Variants in COL8A1 observed in about 807,000 individuals in gnomAD.
The protein encoded by COL8A1 is collagen alpha-1(VIII) chain.
In COL8A1, 21 loss-of-function variants were observed where a neutral mutation model predicts 42.7. The observed-to-expected ratio is 0.49, with a 90% CI of 0.35 to 0.71. The LOEUF is 0.71. COL8A1 is among the 30% of genes least tolerant of loss of function. COL8A1 has a pLI of 0.01. For synonymous variants in COL8A1, 367 were observed against 369.1 expected, an observed-to-expected ratio of 0.99 and a Z score of 0.06; for missense variants, 788 against 962.4, an observed-to-expected ratio of 0.82 and a Z score of 2.40.
At chr3:99,789,740 A>C (rs2107455385) in intron 2 of COL8A1, among the ~76,000 whole-genome samples, 1 of 152,342 alleles carries the variant, frequency 6.6e-6, no homozygotes, top group East Asian at 1.9e-4. Flanking sequence ...TATTCTTATT[A>C]ATAGTTAAAC....
At chr3:99,669,753 C>G (rs1174788928) in intron 1 of COL8A1, among the ~76,000 whole-genome samples, 1 of 151,900 alleles carries the variant, frequency 6.6e-6, no homozygotes, top group Non-Finnish European at 1.5e-5. Flanking sequence ...CTAAAGAGAT[C>G]GACAGAGGGA....
At chr3:99,740,641 C>T (rs1019702991) in intron 1 of COL8A1, among the ~76,000 whole-genome samples, 4 of 152,134 alleles carry the variant, frequency 2.6e-5, no homozygotes, top group African/African-American at 7.2e-5. Context: ...GGGTACCTCC[C>T]ACAACATGTG....
intron 1 of COL8A1, among the ~76,000 whole-genome samples, chr3:99,695,938 A>C (rs1318970704): frequency 6.6e-6 from 1 of 152,184 alleles, no homozygotes; most frequent in Non-Finnish European, 1.5e-5. Flanking sequence ...GTTTGAGACC[A>C]GCCTGGCCAA....
chr3:99,756,141 T>C (rs1941249718), intron 2 of COL8A1, among the ~76,000 whole-genome samples: 1 of 151,606 alleles, frequency 6.6e-6, no homozygotes, highest in Non-Finnish European at 1.5e-5. Context: ...TCTCCTGCAC[T>C]TTGAGCCTGA....
intron 1 of COL8A1, among the ~76,000 whole-genome samples, chr3:99,645,491 T>TA (rs1007067128): frequency 3.3e-5 from 5 of 152,088 alleles, no homozygotes; most frequent in Non-Finnish European, 7.4e-5. Context: ...CCCAGTTAAT[T>TA]ACAATCCCCT....
chr3:99,739,488 G>A (rs917253015), intron 1 of COL8A1, among the ~76,000 whole-genome samples: 1 of 151,978 alleles, frequency 6.6e-6, no homozygotes, highest in African/African-American at 2.4e-5. Context: ...GCTTCTGCCT[G>A]GATATCCAGG....
At chr3:99,769,563 A>G (rs1941537680) in intron 2 of COL8A1, among the ~76,000 whole-genome samples, 1 of 152,242 alleles carries the variant, frequency 6.6e-6, no homozygotes, top group Non-Finnish European at 1.5e-5. Context: ...GCTATATGCT[A>G]TAAAGGAGAC....
At chr3:99,659,466 A>G (rs1037256420) in intron 1 of COL8A1, among the ~76,000 whole-genome samples, 1 of 152,198 alleles carries the variant, frequency 6.6e-6, no homozygotes, top group African/African-American at 2.4e-5. Flanking sequence ...TGCTAATAAT[A>G]ATAACTATCA....
intron 2 of COL8A1, among the ~76,000 whole-genome samples, chr3:99,781,236 T>C (rs545395273): frequency 2.0e-5 from 3 of 152,294 alleles, no homozygotes; most frequent in Non-Finnish European, 1.5e-5. Context: ...AATTCAGAAA[T>C]TGTCAGGACT....
intron 1 of COL8A1, among the ~76,000 whole-genome samples, chr3:99,671,970 G>T (rs912404027): frequency 2.0e-5 from 3 of 151,992 alleles, no homozygotes; most frequent in African/African-American, 7.2e-5. Flanking sequence ...TGCTACAAGA[G>T]AAAAAAGCAG....
At chr3:99,760,929 T>C (rs2107425185) in intron 2 of COL8A1, among the ~76,000 whole-genome samples, 1 of 152,344 alleles carries the variant, frequency 6.6e-6, no homozygotes, top group Admixed American at 6.5e-5. Flanking sequence ...AAGCCTCGTC[T>C]GTTTGAAGTC....
intron 1 of COL8A1, among the ~76,000 whole-genome samples, chr3:99,739,401 T>A (rs966239404): frequency 8.5e-5 from 13 of 152,190 alleles, no homozygotes; most frequent in African/African-American, 2.7e-4. Context: ...GGACTATGTG[T>A]GGGGGGACCA....
chr3:99,763,245 C>T (rs974801486), intron 2 of COL8A1, among the ~76,000 whole-genome samples: 24 of 152,204 alleles, frequency 1.6e-4, no homozygotes, highest in Middle Eastern at 3.4e-3. Flanking sequence ...ATAGAAATAA[C>T]TTTAATTAAG....
chr3:99,747,351 A>G (rs990317896), intron 2 of COL8A1, among the ~76,000 whole-genome samples: 1 of 152,246 alleles, frequency 6.6e-6, no homozygotes, highest in African/African-American at 2.4e-5. Flanking sequence ...TGTACTAAAT[A>G]ATATGGGTTG....
chr3:99,783,259 T>G (rs1238740688), intron 2 of COL8A1, among the ~76,000 whole-genome samples: 2 of 152,204 alleles, frequency 1.3e-5, no homozygotes, highest in Non-Finnish European at 2.9e-5. Flanking sequence ...ATTATGTGTG[T>G]GGTTCATTTC....
intron 1 of COL8A1, among the ~76,000 whole-genome samples, chr3:99,740,518 T>C (rs1940868907): frequency 6.6e-6 from 1 of 152,148 alleles, no homozygotes. Flanking sequence ...GGGAGAAGTA[T>C]AAGTGAAACA....
intron 1 of COL8A1, among the ~76,000 whole-genome samples, chr3:99,639,377 C>T (rs1300540715): frequency 6.6e-6 from 1 of 152,164 alleles, no homozygotes; most frequent in Non-Finnish European, 1.5e-5. Flanking sequence ...TGTACACACA[C>T]CTAAACATAA....
At chr3:99,777,018 G>C (rs1330905033) in intron 2 of COL8A1, among the ~76,000 whole-genome samples, 1 of 152,146 alleles carries the variant, frequency 6.6e-6, no homozygotes, top group African/African-American at 2.4e-5. Context: ...GTGGATTTTG[G>C]CCAGCTTCTT....
intron 2 of COL8A1, among the ~76,000 whole-genome samples, chr3:99,781,760 A>G (rs1941797906): frequency 2.0e-5 from 3 of 152,156 alleles, no homozygotes; most frequent in South Asian, 4.1e-4. Flanking sequence ...GAGCCATACT[A>G]AGAAGGAACT....
Sources: gnomAD v4.1 joint callset for allele counts (sites outside exome capture counted in the v4.1 genomes callset) on GRCh38, gnomAD v4.1.1 for gene constraint, MANE v1.5 for transcripts, NCBI Gene and HGNC (gene_info 2026-07-23, HGNC 2026-07-21) for gene names.